The following AHCYL1 variants were observed in gnomAD, a reference collection of about 807,000 sequenced individuals.
AHCYL1 encodes adenosylhomocysteinase like 1.
A neutral mutation model predicts 79.3 loss-of-function variants in AHCYL1; 20 were observed. The observed-to-expected ratio is 0.25, with a 90% CI of 0.18 to 0.37. The LOEUF (loss-of-function observed/expected upper bound fraction) is 0.37, where lower values mean the gene tolerates loss of function less well. Among genes scored for constraint, AHCYL1 ranks in the 10% least tolerant of loss-of-function variants. AHCYL1 has a pLI of 1.00. For missense variants in AHCYL1, 330 were observed against 673.6 expected (o/e 0.49, Z 5.65); for synonymous variants, 223 against 242.2 (o/e 0.92, Z 0.74).
chr1:109,984,771 C>A lies in AHCYL1; in HGVS notation c.-282C>A. The A allele has an allele frequency of 3.4e-6, 1 of 290,358 alleles. No homozygotes were observed. Among genetic ancestry groups the A allele is most frequent in the Non-Finnish European group, 6.2e-6 (1 of 161,026 alleles). 18.0% of individuals were successfully genotyped at this position (290,358 alleles called of 1,614,324 possible). On this transcript the variant is annotated 5_prime_UTR_variant, in exon 1 of 17. Coordinates refer to ENST00000369799, the MANE Select transcript of AHCYL1 (RefSeq NM_006621.7). ...GTCACCGCCCTCTACCCTCGCTTTG[C>A]GTGCGTGTTTGCGTACAGCGGAGGT...
chr1:110,015,005 G>A, intron 6 of AHCYL1, 148 bp downstream of exon 6: 2 of 738,080 alleles, frequency 2.7e-6, no homozygotes, highest in South Asian at 1.7e-5. Flanking sequence ...TATTCAGAAT[G>A]GGTCTGAGTA....
At chr1:109,993,679 G>A (rs984996194) in intron 1 of AHCYL1, among the ~76,000 whole-genome samples, 1 of 152,204 alleles carries the variant, frequency 6.6e-6, no homozygotes, top group African/African-American at 2.4e-5. Context: ...AGGTCAGGGA[G>A]AAGACATCTG....
intron 13 of AHCYL1, 29 bp downstream of exon 13, chr1:110,018,679 C>A: frequency 6.3e-7 from 1 of 1,585,234 alleles, no homozygotes; most frequent in Non-Finnish European, 8.6e-7. Context: ...CCTGGCAGAG[C>A]AGCACAAGCA....
intron 5 of AHCYL1, among the ~76,000 whole-genome samples, chr1:110,014,524 A>G (rs945499015): frequency 2.0e-5 from 3 of 152,262 alleles, no homozygotes; most frequent in Middle Eastern, 3.2e-3. Flanking sequence ...CTAAGTATAA[A>G]ATTAGTCCAG....
intron 14 of AHCYL1, among the ~76,000 whole-genome samples, 161 bp from the exon 15 acceptor site, chr1:110,019,387 C>CT (rs1651642998): frequency 1.3e-5 from 2 of 152,198 alleles, no homozygotes. Context: ...AACAAATCCT[C>CT]TTAGGATGTG....
intron 1 of AHCYL1, among the ~76,000 whole-genome samples, chr1:110,002,572 G>A (rs1234303990): frequency 6.6e-6 from 1 of 152,124 alleles, no homozygotes; most frequent in African/African-American, 2.4e-5. Context: ...TAGAAGTTGC[G>A]ATTCTATAAC....
At chr1:110,012,333 C>A in intron 3 of AHCYL1, 29 bp from the exon 4 acceptor site, 2 of 1,596,594 alleles carry the variant, frequency 1.3e-6, no homozygotes, top group Admixed American at 1.7e-5. Context: ...CTAGTGCAGA[C>A]CTAGCTCAAA....
chr1:109,989,057 C>G (rs991088022), intron 1 of AHCYL1, among the ~76,000 whole-genome samples: 4 of 152,218 alleles, frequency 2.6e-5, no homozygotes, highest in African/African-American at 9.6e-5. Flanking sequence ...TCTCTTGATT[C>G]TCCTTAGAGT....
intron 1 of AHCYL1, among the ~76,000 whole-genome samples, chr1:109,985,808 A>C (rs949103999): frequency 6.6e-6 from 1 of 152,194 alleles, no homozygotes; most frequent in African/African-American, 2.4e-5. Context: ...GGTGGATCCT[A>C]GAGTCATGTG....
At chr1:110,015,564 C>A in intron 7 of AHCYL1, 33 bp downstream of exon 7, 1 of 1,581,146 alleles carries the variant, frequency 6.3e-7, no homozygotes, top group Non-Finnish European at 8.7e-7. Flanking sequence ...CCCCTTGTGT[C>A]CTTGCCTCAG....
intron 1 of AHCYL1, among the ~76,000 whole-genome samples, chr1:109,996,685 G>T (rs1178975755): frequency 6.6e-6 from 1 of 152,200 alleles, no homozygotes; most frequent in East Asian, 1.9e-4. Context: ...AACGCAGTAG[G>T]TTTGTTACAC....
At chr1:110,002,437 G>A (rs1650368788) in intron 1 of AHCYL1, among the ~76,000 whole-genome samples, 1 of 152,216 alleles carries the variant, frequency 6.6e-6, no homozygotes, top group Non-Finnish European at 1.5e-5. Context: ...GACAATATGA[G>A]TATTCAGTGC....
chr1:110,011,447 TGAAAGTGTACTGGGAA>T, intron 3 of AHCYL1, 90 bp downstream of exon 3: 1 of 1,541,388 alleles, frequency 6.5e-7, no homozygotes, highest in South Asian at 1.2e-5. Context: ...AAAGCTGACT[TGAAAGTGTACTGGGAA>T]GAAAGACAGT....
chr1:110,013,033 A>G (rs776116690), intron 5 of AHCYL1, 34 bp downstream of exon 5: 19 of 1,533,698 alleles, frequency 1.2e-5, no homozygotes, highest in Non-Finnish European at 1.5e-5. Context: ...ACTTTGCCCC[A>G]AAATAGTTAT....
At chr1:110,015,257 A>G (rs1176776049) in intron 6 of AHCYL1, among the ~76,000 whole-genome samples, 168 bp from the exon 7 acceptor site, 1 of 152,206 alleles carries the variant, frequency 6.6e-6, no homozygotes, top group Non-Finnish European at 1.5e-5. Flanking sequence ...ACCATTTTAC[A>G]CCAACAAATT....
intron 1 of AHCYL1, among the ~76,000 whole-genome samples, chr1:109,993,730 T>C (rs1020692190): frequency 6.6e-6 from 1 of 152,240 alleles, no homozygotes; most frequent in Non-Finnish European, 1.5e-5. Context: ...GCAGTGGGCA[T>C]AGGGATATCC....
chr1:110,009,863 G>A (rs948000028), intron 2 of AHCYL1, among the ~76,000 whole-genome samples: 17 of 152,182 alleles, frequency 1.1e-4, no homozygotes, highest in African/African-American at 3.9e-4. Flanking sequence ...CATCTAATGG[G>A]GCATCCAATA....
intron 1 of AHCYL1, among the ~76,000 whole-genome samples, chr1:109,994,814 T>C (rs1464503642): frequency 6.6e-6 from 1 of 152,246 alleles, no homozygotes; most frequent in Non-Finnish European, 1.5e-5. Context: ...TGGCTTGTCA[T>C]GCTGGACTAG....
At chr1:110,004,019 T>G in intron 1 of AHCYL1, 1 of 985,432 alleles carries the variant, frequency 1.0e-6, no homozygotes, top group Non-Finnish European at 1.2e-6. Flanking sequence ...TCAAGCTGTG[T>G]GTTCCTTACC....
Sources: gnomAD v4.1 joint callset for allele counts (sites outside exome capture counted in the v4.1 genomes callset) on GRCh38, gnomAD v4.1.1 for gene constraint, MANE v1.5 for transcripts, NCBI Gene and HGNC (gene_info 2026-07-23, HGNC 2026-07-21) for gene names.